Variants in SYNPR observed in about 807,000 individuals in gnomAD.
SYNPR encodes synaptoporin.
SYNPR carries 23 observed loss-of-function variants against 32.9 expected under a neutral mutation model. The observed-to-expected ratio is 0.70, with a 90% CI of 0.50 to 0.99. The LOEUF is 0.99. Among genes scored for constraint, SYNPR ranks in the 50% least tolerant of loss-of-function variants. SYNPR has a pLI of 0.00. For missense variants in SYNPR, 318 were observed against 349.3 expected (o/e 0.91, Z 0.71); for synonymous variants, 146 against 135.9 (o/e 1.07, Z -0.52).
At chr3:63,240,499 G>T (rs2086232590) in intron 1 of SYNPR, among the ~76,000 whole-genome samples, 1 of 152,094 alleles carries the variant, frequency 6.6e-6, no homozygotes, top group African/African-American at 2.4e-5. Context: ...AGAAGGAAAT[G>T]AAAGAGGAGA....
chr3:63,288,707 G>A (rs1376041816), intron 2 of SYNPR, among the ~76,000 whole-genome samples: 1 of 152,104 alleles, frequency 6.6e-6, no homozygotes, highest in Non-Finnish European at 1.5e-5. Flanking sequence ...ATTCAGCTCT[G>A]GCCCTTTATG....
intron 2 of SYNPR, among the ~76,000 whole-genome samples, chr3:63,455,674 G>T (rs1700468531): frequency 6.6e-6 from 1 of 151,620 alleles, no homozygotes; most frequent in African/African-American, 2.4e-5. Flanking sequence ...GACAAGTATG[G>T]TTGAAGATTA....
intron 3 of SYNPR, among the ~76,000 whole-genome samples, chr3:63,556,087 C>T (rs937280462): frequency 9.2e-5 from 14 of 152,124 alleles, no homozygotes; most frequent in African/African-American, 3.4e-4. Flanking sequence ...GGAGACAGGA[C>T]CATGTTTGTC....
rs556021632 is a variant in SYNPR, at chr3:63,484,112, T to C, written c.209+3156T>C. Among the ~76,000 whole-genome samples the C allele has an allele frequency of 2.6e-5, 4 of 152,338 alleles. No individual in the cohort carries two copies. In the South Asian group the frequency reaches 8.3e-4, roughly 32 times the overall value. On this transcript the variant is annotated intron_variant, in intron 3 of 5. Transcript: ENST00000478300. Reference sequence around the variant, plus strand: ...TCACAAAGTAATAATGTGCTTCTTCTAATAAATATGCCGAAGTGCATATCT... The same window carrying C: ...TCACAAAGTAATAATGTGCTTCTTCCAATAAATATGCCGAAGTGCATATCT...
intron 2 of SYNPR, among the ~76,000 whole-genome samples, chr3:63,428,478 A>G (rs1253756404): frequency 6.6e-6 from 1 of 152,236 alleles, no homozygotes; most frequent in Non-Finnish European, 1.5e-5. Context: ...GACTAGGTCA[A>G]CTCTATGTAT....
At position 63,545,891 on chromosome 3, in the gene SYNPR, T is replaced by C. The variant is rs530941408; in HGVS notation, c.210-10652T>C. 7.2e-5 allele frequency among the ~76,000 whole-genome samples: 11 copies of C among 152,280 alleles called. No individual in the cohort carries two copies. The East Asian group carries it at 2.1e-3, about 29-fold the overall frequency. On this transcript the variant is annotated intron_variant, in intron 3 of 5. Transcript: ENST00000478300. ...CCACCTTCCTGTATGTTTCTAAATG[T>C]TATAAATATCTTTTAATCAAAGACT...
chr3:63,483,449 G>A (rs550301156), intron 3 of SYNPR, among the ~76,000 whole-genome samples: 1 of 152,142 alleles, frequency 6.6e-6, no homozygotes, highest in Non-Finnish European at 1.5e-5. Flanking sequence ...GTATATGTGT[G>A]TAAAATATAA....
chr3:63,352,326 T>C (rs1289311819), intron 2 of SYNPR, among the ~76,000 whole-genome samples: 3 of 152,126 alleles, frequency 2.0e-5, no homozygotes, highest in African/African-American at 4.8e-5. Flanking sequence ...AAGAATCTCC[T>C]GAGGAGCTTT....
intron 3 of SYNPR, among the ~76,000 whole-genome samples, chr3:63,272,177 C>G (rs2086542905): frequency 6.6e-6 from 1 of 152,172 alleles, no homozygotes; most frequent in Admixed American, 6.5e-5. Context: ...CATCTGCTGC[C>G]AGATATTTTT....
chr3:63,419,877 A>G (rs926476013), intron 2 of SYNPR, among the ~76,000 whole-genome samples: 2 of 152,244 alleles, frequency 1.3e-5, no homozygotes, highest in African/African-American at 2.4e-5. Context: ...CTAGTTCTAT[A>G]TTCATTTTCT....
intron 2 of SYNPR, among the ~76,000 whole-genome samples, chr3:63,403,481 G>A (rs940784861): frequency 3.3e-5 from 5 of 150,538 alleles, no homozygotes; most frequent in Non-Finnish European, 7.4e-5. Flanking sequence ...TAGAGAGAGA[G>A]GATGAGACAG....
At position 63,508,369 on chromosome 3, in the gene SYNPR, T is replaced by C. The variant is rs906294048; in HGVS notation, c.209+27413T>C. 3.9e-5 allele frequency among the ~76,000 whole-genome samples: 6 copies of C among 152,146 alleles called. No individual in the cohort carries two copies. In the South Asian group the frequency reaches 1.2e-3, roughly 32 times the overall value. On this transcript the variant is annotated intron_variant, in intron 3 of 5. Transcript: ENST00000478300. ...TGATTGACATAAACAGTGGCTATAG[T>C]AAATAAGTAAATTATAGTAAGAAGT...
intron 3 of SYNPR, among the ~76,000 whole-genome samples, chr3:63,272,783 G>T (rs1423638518): frequency 6.6e-6 from 1 of 152,090 alleles, no homozygotes; most frequent in African/African-American, 2.4e-5. Flanking sequence ...GTATGGATTT[G>T]AGACTAATCT....
chr3:63,446,886 T>C (rs555019543), intron 2 of SYNPR, among the ~76,000 whole-genome samples: 7 of 152,318 alleles, frequency 4.6e-5, no homozygotes, highest in Admixed American at 4.6e-4. Flanking sequence ...TTTGAGCTAC[T>C]CTTGGTTAGG....
At chr3:63,331,865 T>A (rs930467284) in intron 2 of SYNPR, among the ~76,000 whole-genome samples, 2 of 152,158 alleles carry the variant, frequency 1.3e-5, no homozygotes, top group African/African-American at 2.4e-5. Context: ...TGTGCCAGGC[T>A]GTGTGCCAGG....
chr3:63,541,971 C>T (rs1380487584), intron 3 of SYNPR, among the ~76,000 whole-genome samples: 1 of 151,992 alleles, frequency 6.6e-6, no homozygotes, highest in Non-Finnish European at 1.5e-5. Flanking sequence ...CTTTGAGGTG[C>T]CAGTGGGTAT....
At chr3:63,226,113 A>C (rs1161317422), upstream of SYNPR, among the ~76,000 whole-genome samples, 2 of 152,224 alleles carry the variant, frequency 1.3e-5, no homozygotes, top group African/African-American at 4.8e-5. Context: ...CCTGATAATT[A>C]GGGAAATGCA....
chr3:63,374,723 A>G (rs1316603396), intron 2 of SYNPR, among the ~76,000 whole-genome samples: 1 of 152,218 alleles, frequency 6.6e-6, no homozygotes, highest in East Asian at 1.9e-4. Flanking sequence ...AAAATGAAAG[A>G]GCCTAACATC....
chr3:63,441,629 GA>G (rs1280435695), intron 2 of SYNPR, among the ~76,000 whole-genome samples: 1 of 152,124 alleles, frequency 6.6e-6, no homozygotes, highest in African/African-American at 2.4e-5. Context: ...TTACTCCCCT[GA>G]GTAACTTCTC....
Sources: gnomAD v4.1 joint callset for allele counts (sites outside exome capture counted in the v4.1 genomes callset) on GRCh38, gnomAD v4.1.1 for gene constraint, MANE v1.5 for transcripts, NCBI Gene and HGNC (gene_info 2026-07-23, HGNC 2026-07-21) for gene names.